Variants in SCRIB observed in about 807,000 individuals in gnomAD.
SCRIB encodes protein scribble homolog.
In SCRIB, 72 loss-of-function variants were observed where a neutral mutation model predicts 170.0. That is an observed-to-expected ratio of 0.42 (90% CI 0.35 to 0.52). SCRIB has a LOEUF of 0.52. SCRIB is among the 20% of genes least tolerant of loss of function. The pLI is 0.02. For synonymous variants in SCRIB, 1,298 were observed against 1,044.3 expected, an observed-to-expected ratio of 1.24 and a Z score of -4.68; for missense variants, 2,475 against 2,338.5, an observed-to-expected ratio of 1.06 and a Z score of -1.20.
chr8:143,794,190 G>A, intron 27 of SCRIB: 2 of 544,136 alleles, frequency 3.7e-6, no homozygotes, highest in Non-Finnish European at 6.6e-6. Context: ...CCATGGCAGT[G>A]TGCTGGCTGG....
Position 143,813,131 on chromosome 8 carries a change from G to T in SCRIB, c.568-27C>A, listed in dbSNP as rs369850962. On this transcript the variant is annotated intron_variant, in intron 6 of 36. Coordinates refer to ENST00000356994, the MANE Select transcript of SCRIB (RefSeq NM_182706.5). ...TGCAAGAAGGAACAGAGAAAATAGT[G>T]ACTATGAGGCAAAGCCTCCTGCTGC... 3.2e-6 allele frequency: 5 copies of T among 1,571,310 alleles called. No homozygotes were observed. In the African/African-American group the frequency reaches 4.0e-5, roughly 13 times the overall value.
At position 143,805,191 on chromosome 8, in the gene SCRIB, C is replaced by A; in HGVS notation, c.2591G>T (p.Cys864Phe). The change falls in exon 19 of 37, where the codon TGC (cysteine) becomes TTC (phenylalanine). Residue 864 changes from cysteine to phenylalanine, a missense_variant. Around this residue, in one of 3 missense-constraint regions of SCRIB, gnomAD observed 1,966 missense variants for 1,742.9 expected, o/e 1.13. Coordinates refer to ENST00000356994, the MANE Select transcript of SCRIB (RefSeq NM_182706.5). ...PGPLRQRHVA[C>F]LARSERGLGF... Reference sequence around the variant, plus strand: ...CAGCCCCCTCTCGCTGCGTGCCAGGCAGGCCACGTGGCGCTGACGGAGGGG... The same window carrying A: ...CAGCCCCCTCTCGCTGCGTGCCAGGAAGGCCACGTGGCGCTGACGGAGGGG... 6.3e-7 allele frequency: 1 copy of A among 1,575,354 alleles called. No individual in the cohort carries two copies. The highest frequency in any genetic ancestry group is 8.6e-7 in the Non-Finnish European group (1 of 1,162,136).
rs782382652 is a variant in SCRIB, at chr8:143,804,684, G to A, written c.2893C>T (p.Pro965Ser). 5.1e-6 allele frequency: 8 copies of A among 1,564,610 alleles called. No individual in the cohort carries two copies. The highest frequency in any genetic ancestry group is 6.9e-6 in the Non-Finnish European group (8 of 1,152,158). The stretch of plus-strand genomic sequence containing the variant: ...CTGGTGGTGGCAACAGCAGCGGTGG[G>A]GGGTGAGGAATGTGGCAGAGGGCTG... Reference protein sequence around the residue: ...PPSPLPHSSPPTAAVATTSIT... With the variant: ...PPSPLPHSSPSTAAVATTSIT... Residue 965 changes from proline to serine, a missense_variant, in exon 21 of 37, where the codon CCC (proline) becomes TCC (serine). Transcript: ENST00000356994.
At chr8:143,793,805 A>AC (rs1328688879) in intron 28 of SCRIB, 95 bp downstream of exon 28, 27 of 1,262,982 alleles carry the variant, frequency 2.1e-5, no homozygotes, top group Admixed American at 1.1e-4. Flanking sequence ...ATGGCCCCTG[A>AC]CCCCCCATCC....
rs782199011 is a variant in SCRIB at position 143,805,316 on chromosome 8, C to T, written c.2466G>A (p.Ala822=). The change falls in exon 19 of 37, where the codon GCG becomes GCA. Residue 822 remains alanine, a synonymous_variant. Transcript: ENST00000356994. The part of the protein sequence containing the change: ...WRERMVEPEN[A]VTITPLRPED... ...CGGGCCGCAGCGGCGTGATGGTGAC[C>T]GCGTTCTCAGGCTCCACCATGCGCT... 1.5e-5 allele frequency: 23 copies of T among 1,545,570 alleles called. No individual in the cohort carries two copies. In the East Asian group the frequency reaches 1.9e-4, roughly 13 times the overall value.
chr8:143,813,043 G>A lies in SCRIB; in HGVS notation c.629C>T (p.Ser210Leu), dbSNP rs1815822026. The change falls in exon 7 of 37, where the codon TCA becomes TTA. Residue 210 changes from serine (S) to leucine (L), a missense_variant. Coordinates refer to ENST00000356994, the MANE Select transcript of SCRIB (RefSeq NM_182706.5). Reference protein sequence around the residue: ...RELWLDRNQLSALPPELGNLR... With the variant: ...RELWLDRNQLLALPPELGNLR... ...ACCCTGACTCACCGGGGGCAGTGCTGACAGCTGGTTCCGGTCAAGCCACAG... is the reference window on the plus strand; with the variant it reads ...ACCCTGACTCACCGGGGGCAGTGCTAACAGCTGGTTCCGGTCAAGCCACAG... The A allele has an allele frequency of 1.3e-6, 2 of 1,595,906 alleles. No homozygotes were observed. The highest frequency in any genetic ancestry group is 1.1e-5 in the South Asian group (1 of 89,064).
chr8:143,811,921 G>T (rs1586526626), intron 9 of SCRIB, among the ~76,000 whole-genome samples: 1 of 152,284 alleles, frequency 6.6e-6, no homozygotes, highest in East Asian at 1.9e-4. Context: ...TGAGGGGCAG[G>T]CAGACGCCCC....
chr8:143,815,719 A>C lies in SCRIB; in HGVS notation c.-347T>G. The C allele has an allele frequency of 1.0e-6, 1 of 983,406 alleles. No individual in the cohort carries two copies. Among genetic ancestry groups the C allele is most frequent in the Non-Finnish European group, 1.2e-6 (1 of 829,322 alleles). 60.9% of individuals were successfully genotyped at this position (983,406 alleles called of 1,614,324 possible). A position where few individuals can be genotyped will look rare whatever the true frequency, so the allele number is the denominator to read the frequency against. On this transcript the variant is annotated 5_prime_UTR_variant, in exon 1 of 37. Transcript: ENST00000356994. Reference sequence around the variant, plus strand: ...CACCGGAACCGCCGCTGCCCGCCGGACTGCCCCGCCGACACCCACCCGGCC... The same window carrying C: ...CACCGGAACCGCCGCTGCCCGCCGGCCTGCCCCGCCGACACCCACCCGGCC...
rs1815553932 is a variant in SCRIB, at chr8:143,808,693, C to T, written c.2031G>A (p.Glu677=). The T allele has an allele frequency of 6.5e-7, 1 of 1,549,716 alleles. No homozygotes were observed. Among genetic ancestry groups the T allele is most frequent in the South Asian group, 1.3e-5 (1 of 79,068 alleles). The change falls in exon 15 of 37, where the codon GAG becomes GAA. Residue 677 remains glutamate (E), a synonymous_variant. Transcript: ENST00000356994. ...CTTCCTCTTCAGCCCTGTTTTCCTC[C>T]TCCTCCTCTTCCTCCTCCTCCTGAG... The part of the protein sequence containing the change: ...GSPQEEEEEE[E]EENRAEEEEA...
Position 143,809,692 on chromosome 8 carries a change from G to A in SCRIB, c.1557C>T (p.Gly519=). 1 of 1,610,030 alleles carries A rather than the reference G, an allele frequency of 6.2e-7. No individual in the cohort carries two copies. Among genetic ancestry groups the A allele is most frequent in the Non-Finnish European group, 8.5e-7 (1 of 1,179,822 alleles). ...EEEKRLSAES[G]LSEDSRPSAS... is the part of the protein sequence containing the mutation. ...CAGATGGGCGAGAGTCTTCACTCAG[G>A]CCAGACTCGGCACTCAGCCGCTTCT... Residue 519 remains glycine, a synonymous_variant, in exon 14 of 37, where the codon GGC becomes GGT. Transcript: ENST00000356994.
At chr8:143,791,761 G>A (rs782581658) in intron 34 of SCRIB, 21 bp from the exon 35 acceptor site, 1 of 1,583,164 alleles carries the variant, frequency 6.3e-7, no homozygotes, top group African/African-American at 1.3e-5. Context: ...CAGCGTGAGG[G>A]GAGAGGCAGA....
chr8:143,814,267 C>T (rs898859219), intron 1 of SCRIB, 149 bp from the exon 2 acceptor site: 2 of 645,554 alleles, frequency 3.1e-6, no homozygotes, highest in Non-Finnish European at 5.3e-6. Flanking sequence ...CACGACACCC[C>T]ATTTGCAAAA....
At chr8:143,812,497 G>T in intron 8 of SCRIB, 113 bp from the exon 9 acceptor site, 1 of 845,314 alleles carries the variant, frequency 1.2e-6, no homozygotes, top group Non-Finnish European at 2.0e-6. Context: ...CCCTTCTGCC[G>T]CCGCCGTACT....
chr8:143,793,650 A>G, intron 28 of SCRIB: 1 of 475,056 alleles, frequency 2.1e-6, no homozygotes, highest in East Asian at 3.2e-5. Flanking sequence ...CTGGGGTCTC[A>G]GGAGCTTGAG....
intron 9 of SCRIB, among the ~76,000 whole-genome samples, chr8:143,811,887 G>A (rs977780158): frequency 6.6e-6 from 1 of 152,162 alleles, no homozygotes; most frequent in Non-Finnish European, 1.5e-5. Flanking sequence ...ACCGTGGCCT[G>A]GTGCCTCAGC....
intron 24 of SCRIB, among the ~76,000 whole-genome samples, chr8:143,801,656 C>T (rs1367763366): frequency 1.3e-5 from 2 of 152,214 alleles, no homozygotes; most frequent in African/African-American, 4.8e-5. Context: ...AGAGCAAGGG[C>T]AGTGCTGGGG....
At chr8:143,804,238 G>A in intron 21 of SCRIB, 82 bp from the exon 22 acceptor site, 1 of 1,066,406 alleles carries the variant, frequency 9.4e-7, no homozygotes, top group Non-Finnish European at 1.3e-6. Flanking sequence ...GTCCGTCCCG[G>A]TCCTTGGGGA....
chr8:143,791,516 G>C, intron 35 of SCRIB, 76 bp from the exon 36 acceptor site: 1 of 1,592,352 alleles, frequency 6.3e-7, no homozygotes, highest in Non-Finnish European at 8.6e-7. Flanking sequence ...TGGGCTCCCA[G>C]CCCTGAGGCC....
intron 24 of SCRIB, among the ~76,000 whole-genome samples, chr8:143,795,954 G>C (rs1463484602): frequency 1.3e-5 from 2 of 152,130 alleles, no homozygotes; most frequent in African/African-American, 4.8e-5. Flanking sequence ...CCAGACCCCA[G>C]TGTGAGTGCT....
Sources: allele counts gnomAD v4.1 joint callset (sites outside exome capture counted in the v4.1 genomes callset), GRCh38; gene constraint gnomAD v4.1.1; regional missense constraint gnomAD v4.1.1; transcripts MANE v1.5; gene names NCBI Gene and HGNC (gene_info 2026-07-23, HGNC 2026-07-21).